DKK4: variants seen among roughly 807,000 people sequenced by gnomAD.
DKK4 encodes dickkopf Wnt signaling pathway inhibitor 4.
A neutral mutation model predicts 14.5 loss-of-function variants in DKK4; 15 were observed. The observed-to-expected ratio is 1.03, with a 90% CI of 0.69 to 1.59. The LOEUF (loss-of-function observed/expected upper bound fraction) is 1.59. Among genes scored for constraint, DKK4 ranks in the 40% most tolerant of loss-of-function variants. DKK4 has a pLI of 0.00. For synonymous variants in DKK4, 89 were observed against 105.2 expected, an observed-to-expected ratio of 0.85 and a Z score of 0.94; for missense variants, 272 against 280.3, an observed-to-expected ratio of 0.97 and a Z score of 0.21.
chr8:42,377,122 G>A lies in DKK4; in HGVS notation c.-77C>T. 1 of 1,194,664 alleles carries A rather than the reference G, an allele frequency of 8.4e-7. No individual in the cohort carries two copies. The highest frequency in any genetic ancestry group is 1.2e-6 in the Non-Finnish European group (1 of 836,008). 74.0% of individuals were successfully genotyped at this position (1,194,664 alleles called of 1,614,324 possible). A position where few individuals can be genotyped will look rare whatever the true frequency, so the allele number is the denominator to read the frequency against. On this transcript the variant is annotated 5_prime_UTR_variant, in exon 1 of 4. Transcript: ENST00000220812. Reference sequence around the variant, plus strand: ...GAGGCTGCTCTCCACCCAGAGCAGAGCTTCCACTAAGCTGGCAGCTCAGCA... The same window carrying A: ...GAGGCTGCTCTCCACCCAGAGCAGAACTTCCACTAAGCTGGCAGCTCAGCA...
the DKK4 span, among the ~76,000 whole-genome samples, chr8:42,386,297 TACAC>T: frequency 6.7e-6 from 1 of 150,336 alleles, no homozygotes; most frequent in African/African-American, 2.4e-5. Context: ...AAAATTACAA[TACAC>T]ACACACACAC....
At chr8:42,389,825 T>G in the DKK4 span, among the ~76,000 whole-genome samples, 1 of 152,212 alleles carries the variant, frequency 6.6e-6, no homozygotes, top group African/African-American at 2.4e-5. Flanking sequence ...ATTTCACTTC[T>G]AAATACTTCA....
rs1254944724 is a variant in DKK4 at position 42,377,063 on chromosome 8, CCT to C, written c.-20_-19del. 1.9e-6 allele frequency: 3 copies of C among 1,605,838 alleles called. No homozygotes were observed. The African/African-American group carries it at 4.0e-5, about 21-fold the overall frequency. ...GCCACCATCCTTCAATCCCGGGGCT[CCT>C]GGAGGGTCCCAGCACTGTGCGTCAC... On this transcript the variant is annotated 5_prime_UTR_variant, in exon 1 of 4. Coordinates refer to ENST00000220812, the MANE Select transcript of DKK4 (RefSeq NM_014420.3).
intron 1 of DKK4, 115 bp from the exon 2 acceptor site, chr8:42,375,945 C>G: frequency 7.5e-7 from 1 of 1,337,518 alleles, no homozygotes; most frequent in South Asian, 1.4e-5. Flanking sequence ...TGTGACAAAC[C>G]CTGGGCAGCA....
At chr8:42,384,240 T>C in the DKK4 span, among the ~76,000 whole-genome samples, 81 of 152,302 alleles carry the variant, frequency 5.3e-4, no homozygotes, top group African/African-American at 1.8e-3. Context: ...CAGCTCACTG[T>C]AGCCTCAAAC....
At chr8:42,380,631 AAG>A (rs746840745), upstream of DKK4, among the ~76,000 whole-genome samples, 24 of 144,790 alleles carry the variant, frequency 1.7e-4, no homozygotes, top group Non-Finnish European at 2.4e-4. Context: ...GAAAGAAAGA[AAG>A]AGGAAAGAAA....
chr8:42,374,263 A>G lies in DKK4; in HGVS notation c.512T>C (p.Leu171Ser), dbSNP rs1824505721. 6.2e-7 allele frequency: 1 copy of G among 1,612,076 alleles called. No individual in the cohort carries two copies. Among genetic ancestry groups the G allele is most frequent in the South Asian group, 1.1e-5 (1 of 90,824 alleles). Reference protein sequence around the residue: ...FWTKICKPVLLEGQVCSRRGH... With the variant: ...FWTKICKPVLSEGQVCSRRGH... ...TCTTCTGGAGCAGACCTGTCCCTCCAAAAGGACTGGCTTACAAATTTTCGT... is the reference window on the plus strand; with the variant it reads ...TCTTCTGGAGCAGACCTGTCCCTCCGAAAGGACTGGCTTACAAATTTTCGT... Residue 171 changes from leucine to serine, a missense_variant, in exon 4 of 4, where the codon TTG (leucine) becomes TCG (serine). Transcript: ENST00000220812.
upstream of DKK4, among the ~76,000 whole-genome samples, chr8:42,379,374 TATATAGAGAGAGAGAGAGAG>T (rs1485976023): frequency 4.1e-5 from 2 of 48,380 alleles, no homozygotes; most frequent in African/African-American, 8.8e-5. Context: ...TATATATATA[TATATAGAGAGAGAGAGAGAG>T]AGAGAGAGAG....
upstream of DKK4, among the ~76,000 whole-genome samples, chr8:42,380,674 GAGAA>G (rs1467263021): frequency 3.6e-5 from 5 of 137,894 alleles, no homozygotes; most frequent in South Asian, 6.9e-4. Context: ...AAGGAAGAAA[GAGAA>G]AGAAAAGAAA....
Position 42,374,173 on chromosome 8 carries a change from AG to A in DKK4, c.601del (p.Leu201CysfsTer6). On this transcript the variant is annotated frameshift_variant, in exon 4 of 4. Coordinates refer to ENST00000220812, the MANE Select transcript of DKK4 (RefSeq NM_014420.3). LOFTEE classifies it low-confidence loss of function (END_TRUNC). ...FQRCDCGPGL[L>X]CRSQLTSNRQ... Reference sequence around the variant, plus strand: ...ATTGCTGGTCAATTGGCTTCGACACAGTAGTCCAGGGCCACAGTCGCAACGC... The same window carrying A: ...ATTGCTGGTCAATTGGCTTCGACACATAGTCCAGGGCCACAGTCGCAACGC... The A allele has an allele frequency of 6.2e-7, 1 of 1,613,610 alleles. No homozygotes were observed. The highest frequency in any genetic ancestry group is 1.1e-5 in the South Asian group (1 of 91,018).
rs984609351 is a variant in DKK4 at position 42,377,123 on chromosome 8, C to T, written c.-78G>A. 5 of 1,198,394 alleles carry T rather than the reference C, an allele frequency of 4.2e-6. No individual in the cohort carries two copies. Among genetic ancestry groups the T allele is most frequent in the Non-Finnish European group, 6.0e-6 (5 of 839,284 alleles). 74.2% of individuals were successfully genotyped at this position (1,198,394 alleles called of 1,614,324 possible). A position where few individuals can be genotyped will look rare whatever the true frequency, so the allele number is the denominator to read the frequency against. On this transcript the variant is annotated 5_prime_UTR_variant, in exon 1 of 4. Transcript: ENST00000220812. ...AGGCTGCTCTCCACCCAGAGCAGAG[C>T]TTCCACTAAGCTGGCAGCTCAGCAC...
the DKK4 span, among the ~76,000 whole-genome samples, chr8:42,385,565 C>G: frequency 1.3e-5 from 2 of 151,744 alleles, no homozygotes; most frequent in Non-Finnish European, 2.9e-5. Context: ...TCACCTTGGC[C>G]CCCCCATACC....
chr8:42,375,877 A>G (rs1415264686), intron 1 of DKK4, 47 bp from the exon 2 acceptor site: 2 of 1,600,746 alleles, frequency 1.2e-6, no homozygotes, highest in African/African-American at 1.3e-5. Flanking sequence ...CCCCAACACG[A>G]TGGAAGATGA....
chr8:42,389,298 T>C, the DKK4 span, among the ~76,000 whole-genome samples: 8 of 152,256 alleles, frequency 5.3e-5, no homozygotes, highest in African/African-American at 1.7e-4. Flanking sequence ...ATTAAGTTAG[T>C]TCTGTTTCAC....
Position 42,374,206 on chromosome 8 carries a change from A to G in DKK4, c.569T>C (p.Ile190Thr), listed in dbSNP as rs1824504039. 7 of 1,613,156 alleles carry G rather than the reference A, an allele frequency of 4.3e-6. No homozygotes were observed. Among genetic ancestry groups the G allele is most frequent in the Non-Finnish European group, 5.9e-6 (7 of 1,179,858 alleles). The change falls in exon 4 of 4, where the codon ATC becomes ACC. Residue 190 changes from isoleucine (I) to threonine (T), a missense_variant. Transcript: ENST00000220812. ...GHKDTAQAPEIFQRCDCGPGL... is the reference protein window; with the variant it reads ...GHKDTAQAPETFQRCDCGPGL... Reference sequence around the variant, plus strand: ...AGGGCCACAGTCGCAACGCTGGAAGATTTCTGGAGCTTGAGCAGTGTCTTT... The same window carrying G: ...AGGGCCACAGTCGCAACGCTGGAAGGTTTCTGGAGCTTGAGCAGTGTCTTT...
upstream of DKK4, among the ~76,000 whole-genome samples, chr8:42,380,927 AAG>A (rs1212886815): frequency 1.3e-5 from 2 of 152,112 alleles, no homozygotes; most frequent in African/African-American, 2.4e-5. Flanking sequence ...AAGAAAAAGA[AAG>A]AAGGAAAGAA....
At position 42,375,796 on chromosome 8, in the gene DKK4, G is replaced by A. The variant is rs1314802339; in HGVS notation, c.146C>T (p.Thr49Ile). 1.2e-5 allele frequency: 20 copies of A among 1,614,006 alleles called. No individual in the cohort carries two copies. Among genetic ancestry groups the A allele is most frequent in the Non-Finnish European group, 1.7e-5 (20 of 1,180,036 alleles). The change falls in exon 2 of 4, where the codon ACC becomes ATC. Residue 49 changes from threonine (T) to isoleucine (I), a missense_variant. Coordinates refer to ENST00000220812, the MANE Select transcript of DKK4 (RefSeq NM_014420.3). ...GCGGGGCTGGAGGCAGAACTTTCTG[G>A]TATTGCAGTCCGTGTCAGACAGGCA... ...SQCLSDTDCN[T>I]RKFCLQPRDE...
chr8:42,379,217 C>G (rs1405722709), upstream of DKK4, among the ~76,000 whole-genome samples: 2 of 147,306 alleles, frequency 1.4e-5, no homozygotes, highest in Non-Finnish European at 3.0e-5. Flanking sequence ...TGCCACTGCA[C>G]TCCAGCCTCG....
upstream of DKK4, among the ~76,000 whole-genome samples, chr8:42,381,958 C>T (rs977570608): frequency 6.6e-6 from 1 of 152,188 alleles, no homozygotes; most frequent in Non-Finnish European, 1.5e-5. Context: ...GACTACACTA[C>T]TGCACTCCAG....
Sources: allele counts gnomAD v4.1 joint callset (sites outside exome capture counted in the v4.1 genomes callset), GRCh38; gene constraint gnomAD v4.1.1; transcripts MANE v1.5; gene names NCBI Gene and HGNC (gene_info 2026-07-23, HGNC 2026-07-21).